NKX2-5: variants seen among roughly 807,000 people sequenced by gnomAD.
NKX2-5 encodes NK2 homeobox 5, also known as homeobox protein Nkx-2.5.
NKX2-5 carries 3 observed loss-of-function variants against 24.5 expected under a neutral mutation model. That is an observed-to-expected ratio of 0.12 (90% confidence interval 0.06 to 0.32). The LOEUF is 0.32. Among genes scored for constraint, NKX2-5 ranks in the 10% least tolerant of loss-of-function variants. NKX2-5 has a pLI of 1.00. For missense variants in NKX2-5, 429 were observed against 452.4 expected (o/e 0.95, Z 0.47); for synonymous variants, 215 against 217.6 (o/e 0.99, Z 0.11).
chr5:173,233,189 C>T lies in NKX2-5; in HGVS notation c.355G>A (p.Ala119Thr), dbSNP rs137852684. 1.9e-6 allele frequency: 3 copies of T among 1,601,234 alleles called. No homozygotes were observed. Among genetic ancestry groups the T allele is most frequent in the Non-Finnish European group, 2.5e-6 (3 of 1,179,032 alleles). ...GCCTCTGTCTTCTCCAGCTCCACCG[C>T]CTTCTGCAGCGCGCACAGCTCTGAG... ...EKKELCALQK[A>T]VELEKTEADN... Residue 119 changes from alanine (A) to threonine (T), a missense_variant, in exon 2 of 2, where the codon GCG becomes ACG. Ala to Thr is a moderately conservative substitution (Grantham distance 58, BLOSUM62 0). Transcript: ENST00000329198.
At position 173,235,168 on chromosome 5, in the gene NKX2-5, C is replaced by G; in HGVS notation, c.-85G>C. The G allele has an allele frequency of 7.3e-7, 1 of 1,362,080 alleles. No homozygotes were observed. The allele number at this position is 1,362,080 out of a possible 1,614,324, so 84.4% of individuals were successfully genotyped here. The stretch of plus-strand genomic sequence containing the variant: ...CCCTGGCAGCTTCCCTGCATGGTGC[C>G]GCCGCCCGCCCGCGCACCCGTCGGC... On this transcript the variant is annotated 5_prime_UTR_variant, in exon 1 of 2. Coordinates refer to ENST00000329198, the MANE Select transcript of NKX2-5 (RefSeq NM_004387.4).
At position 173,232,472 on chromosome 5, in the gene NKX2-5, G is replaced by C. The variant is rs1246685708; in HGVS notation, c.*97C>G. On this transcript the variant is annotated 3_prime_UTR_variant, in exon 2 of 2. Transcript: ENST00000329198. The surrounding 1 kb of genome is among the most constrained non-coding windows in gnomAD (Gnocchi z 5.9). ...TCCGCAGGAGTGAATGCAAAATCCAGGGGACTCAGGGTCATGTTGGGAGCC... is the reference window on the plus strand; with the variant it reads ...TCCGCAGGAGTGAATGCAAAATCCACGGGACTCAGGGTCATGTTGGGAGCC... The C allele has an allele frequency of 1.0e-5, 16 of 1,550,046 alleles. No individual in the cohort carries two copies. The South Asian group carries it at 1.4e-4, about 13-fold the overall frequency.
At chr5:173,234,656 G>T in intron 1 of NKX2-5, 94 bp downstream of exon 1, 3 of 1,161,120 alleles carry the variant, frequency 2.6e-6, no homozygotes, top group Non-Finnish European at 3.5e-6. Context: ...CCAGCCCTCG[G>T]CCCAAGGGCG....
rs1257246534 is a variant in NKX2-5, at chr5:173,233,138, G to T, written c.406C>A (p.Arg136=). Residue 136 remains arginine, a synonymous_variant, in exon 2 of 2, where the codon CGA becomes AGA. Coordinates refer to ENST00000329198, the MANE Select transcript of NKX2-5 (RefSeq NM_004387.4). ...EADNAERPRA[R]RRRKPRVLFS... is the part of the protein sequence containing the mutation. ...AGCACGCGCGGCTTCCTCCGCCGTCGCGCCCGGGGCCGCTCCGCGTTGTCC... is the reference window on the plus strand; with the variant it reads ...AGCACGCGCGGCTTCCTCCGCCGTCTCGCCCGGGGCCGCTCCGCGTTGTCC... 1 of 1,602,100 alleles carries T rather than the reference G, an allele frequency of 6.2e-7. No individual in the cohort carries two copies.
At chr5:173,233,694 G>A (rs1050052608) in intron 1 of NKX2-5, among the ~76,000 whole-genome samples, 2 of 152,160 alleles carry the variant, frequency 1.3e-5, no homozygotes, top group Non-Finnish European at 2.9e-5. Context: ...GTGTTGGTTT[G>A]GTGATCGGAG....
At chr5:173,233,850 C>T (rs1761397305) in intron 1 of NKX2-5, 1 of 985,366 alleles carries the variant, frequency 1.0e-6, no homozygotes, top group Non-Finnish European at 1.2e-6. Flanking sequence ...TCCCAGGCCT[C>T]TGCTCCTCAA....
Position 173,232,265 on chromosome 5 carries a change from T to C in NKX2-5, c.*304A>G. On this transcript the variant is annotated 3_prime_UTR_variant, in exon 2 of 2. Coordinates refer to ENST00000329198, the MANE Select transcript of NKX2-5 (RefSeq NM_004387.4). The surrounding 1 kb of genome is among the most constrained non-coding windows in gnomAD (Gnocchi z 5.9). Reference sequence around the variant, plus strand: ...GAATGGGCGGCCAGATCTCAGGCCCTGCGTGCCCGAGCTCAGTCCCAGTTC... The same window carrying C: ...GAATGGGCGGCCAGATCTCAGGCCCCGCGTGCCCGAGCTCAGTCCCAGTTC... 2.3e-6 allele frequency: 1 copy of C among 438,472 alleles called. No homozygotes were observed. Among genetic ancestry groups the C allele is most frequent in the Non-Finnish European group, 4.0e-6 (1 of 247,538 alleles). 27.2% of individuals were successfully genotyped at this position (438,472 alleles called of 1,614,324 possible).
chr5:173,234,835 C>A lies in NKX2-5; in HGVS notation c.249G>T (p.Ala83=), dbSNP rs1442654880. ...AGGCGGGGGCGGCGGGAAAGGCAGA[C>A]GCACACTTGGCCGGTGAAGGCGCGC... The part of the protein sequence containing the change: ...LGRAPSPAKC[A]SAFPAAPAFY... Residue 83 remains alanine, a synonymous_variant, in exon 1 of 2, where the codon GCG becomes GCT. Transcript: ENST00000329198. 8 of 1,586,926 alleles carry A rather than the reference C, an allele frequency of 5.0e-6. No individual in the cohort carries two copies. The South Asian group carries it at 8.0e-5, about 16-fold the overall frequency.
At chr5:173,233,422 G>C (rs1409877338) in intron 1 of NKX2-5, 2 of 1,535,422 alleles carry the variant, frequency 1.3e-6, no homozygotes, top group Non-Finnish European at 1.7e-6. Context: ...CAAGGCGCTG[G>C]AGAACAAAAC....
chr5:173,233,515 A>AT lies in NKX2-5; in HGVS notation c.335-307_335-306insA, dbSNP rs1554093562. 8 of 849,342 alleles carry AT rather than the reference A, an allele frequency of 9.4e-6. No homozygotes were observed. The South Asian group carries it at 1.4e-4, about 14-fold the overall frequency. 52.6% of individuals were successfully genotyped at this position (849,342 alleles called of 1,614,324 possible). On this transcript the variant is annotated intron_variant, in intron 1 of 1. Coordinates refer to ENST00000329198, the MANE Select transcript of NKX2-5 (RefSeq NM_004387.4). ...TAAAATTTCAGGCTGCAAAAAAAAA[A>AT]AAAATAAATAAAAAAATAAAAAAAT...
rs1477611443 is a variant in NKX2-5, at chr5:173,232,713, C to G, written c.831G>C (p.Gly277=). The G allele has an allele frequency of 1.2e-6, 2 of 1,609,204 alleles. No individual in the cohort carries two copies. Among genetic ancestry groups the G allele is most frequent in the African/African-American group, 1.3e-5 (1 of 74,866 alleles). The change falls in exon 2 of 2, where the codon GGG becomes GGC. Residue 277 remains glycine, a synonymous_variant. Coordinates refer to ENST00000329198, the MANE Select transcript of NKX2-5 (RefSeq NM_004387.4). The surrounding 1 kb of genome is among the most constrained non-coding windows in gnomAD (Gnocchi z 5.9). ...GYSCTAAYPA[G]PSPAQPATAA... is the part of the protein sequence containing the mutation. ...CAGTGGCCGGCTGCGCTGGGGAAGG[C>G]CCGGCGGGGTAAGCGGCAGTGCAGC... is the stretch of plus-strand genomic sequence containing the variant.
chr5:173,234,050 C>T (rs1761403419), intron 1 of NKX2-5: 1 of 1,289,230 alleles, frequency 7.8e-7, no homozygotes, highest in African/African-American at 1.5e-5. Context: ...CCGCACTCAT[C>T]TCGTCCACTC....
chr5:173,233,004 C>A lies in NKX2-5; in HGVS notation c.540G>T (p.Thr180=), dbSNP rs1229188222. Residue 180 remains threonine, a synonymous_variant, in exon 2 of 2, where the codon ACG becomes ACT. Coordinates refer to ENST00000329198, the MANE Select transcript of NKX2-5 (RefSeq NM_004387.4). ...QLASVLKLTS[T]QVKIWFQNRR... Reference sequence around the variant, plus strand: ...GGTTCTGGAACCAGATCTTGACCTGCGTGGACGTGAGTTTCAGCACGCTGG... The same window carrying A: ...GGTTCTGGAACCAGATCTTGACCTGAGTGGACGTGAGTTTCAGCACGCTGG... 6.2e-7 allele frequency: 1 copy of A among 1,611,220 alleles called. No homozygotes were observed. The highest frequency in any genetic ancestry group is 8.5e-7 in the Non-Finnish European group (1 of 1,179,104).
rs865916303 is a variant in NKX2-5, at chr5:173,233,518, A to T, written c.335-309T>A. The T allele has an allele frequency of 6.5e-3, 4,510 of 695,876 alleles. 116 individuals carry two copies. Among genetic ancestry groups the T allele is most frequent in the African/African-American group, 0.057 (2,665 of 46,474 alleles). 43.1% of individuals were successfully genotyped at this position (695,876 alleles called of 1,614,324 possible). A position where few individuals can be genotyped will look rare whatever the true frequency, so the allele number is the denominator to read the frequency against. On this transcript the variant is annotated intron_variant, in intron 1 of 1. Coordinates refer to ENST00000329198, the MANE Select transcript of NKX2-5 (RefSeq NM_004387.4). ...AATTTCAGGCTGCAAAAAAAAAAAA[A>T]ATAAATAAAAAAATAAAAAAATAAA...
Position 173,233,097 on chromosome 5 carries a change from C to T in NKX2-5, c.447G>A (p.Gln149=), listed in dbSNP as rs1230869762. ...RKPRVLFSQA[Q]VYELERRFKQ... ...TGAAGCGCCGCTCCAGCTCATAGACCTGCGCCTGCGAGAAGAGCACGCGCG... is the reference window on the plus strand; with the variant it reads ...TGAAGCGCCGCTCCAGCTCATAGACTTGCGCCTGCGAGAAGAGCACGCGCG... Residue 149 remains glutamine (Q), a synonymous_variant, in exon 2 of 2, where the codon CAG becomes CAA. Transcript: ENST00000329198. The T allele has an allele frequency of 3.1e-6, 5 of 1,599,648 alleles. No individual in the cohort carries two copies. The highest frequency in any genetic ancestry group is 2.6e-6 in the Non-Finnish European group (3 of 1,173,900).
chr5:173,233,534 A>AAAAAAAAAAAAAAAAAACAT (rs1761387799), intron 1 of NKX2-5: 1 of 955,338 alleles, frequency 1.0e-6, no homozygotes, highest in Non-Finnish European at 1.6e-6. Context: ...TAAAAAAATA[A>AAAAAAAAAAAAAAAAAACAT]AAAAATAAAA....
At chr5:173,233,639 G>A (rs778343735) in intron 1 of NKX2-5, 32 of 641,140 alleles carry the variant, frequency 5.0e-5, no homozygotes, top group Non-Finnish European at 7.5e-5. Flanking sequence ...TGCTAGGGAC[G>A]GTCTTATCTC....
At position 173,232,337 on chromosome 5, in the gene NKX2-5, A is replaced by G; in HGVS notation, c.*232T>C. ...TCTCGGAGGGCACTCCTGGGGGGAC[A>G]GCTAAGACACCAGGCTGCAGGATCA... is the stretch of plus-strand genomic sequence containing the variant. On this transcript the variant is annotated 3_prime_UTR_variant, in exon 2 of 2. Transcript: ENST00000329198. This position sits in a 1 kb window ranked among gnomAD's most constrained non-coding sequence, Gnocchi z 5.9. 1 of 763,726 alleles carries G rather than the reference A, an allele frequency of 1.3e-6. No individual in the cohort carries two copies. The highest frequency in any genetic ancestry group is 2.0e-6 in the Non-Finnish European group (1 of 490,454). The allele number at this position is 763,726 out of a possible 1,614,324, so 47.3% of individuals were successfully genotyped here.
In NKX2-5 at chr5:173,232,370, C is replaced by T. The variant is rs562842387; in HGVS notation, c.*199G>A. On this transcript the variant is annotated 3_prime_UTR_variant, in exon 2 of 2. Coordinates refer to ENST00000329198, the MANE Select transcript of NKX2-5 (RefSeq NM_004387.4). The surrounding 1 kb of genome is among the most constrained non-coding windows in gnomAD (Gnocchi z 5.9). ...CACCAGGCTGCAGGATCACTCATTG[C>T]ACGCTGCATAATCGCCGCCACAAAC... 4 of 1,003,752 alleles carry T rather than the reference C, an allele frequency of 4.0e-6. No homozygotes were observed. In the East Asian group the frequency reaches 7.9e-5, roughly 20 times the overall value. The allele number at this position is 1,003,752 out of a possible 1,614,324, so 62.2% of individuals were successfully genotyped here. A position where few individuals can be genotyped will look rare whatever the true frequency, so the allele number is the denominator to read the frequency against.
Sources: allele counts gnomAD v4.1 joint callset (sites outside exome capture counted in the v4.1 genomes callset), GRCh38; gene constraint gnomAD v4.1.1; non-coding constraint Gnocchi (gnomAD v3.1); transcripts MANE v1.5; gene names NCBI Gene and HGNC (gene_info 2026-07-23, HGNC 2026-07-21).